OTUD7B: variants seen among roughly 807,000 people sequenced by gnomAD.
OTUD7B encodes the protein OTU domain-containing protein 7B.
In OTUD7B, 34 loss-of-function variants were observed where a neutral mutation model predicts 82.2. The observed-to-expected ratio is 0.41, with a 90% CI of 0.31 to 0.55. The LOEUF (loss-of-function observed/expected upper bound fraction) is 0.55, where lower values mean the gene tolerates loss of function less well. Ranked by LOEUF, OTUD7B falls within the 20% of genes least tolerant of loss-of-function variation. The pLI, the probability that OTUD7B is intolerant of heterozygous loss-of-function variation, is 0.20. For missense variants in OTUD7B, 944 were observed against 1,062.1 expected (o/e 0.89, Z 1.55); for synonymous variants, 398 against 402.7 (o/e 0.99, Z 0.14).
chr1:149,961,882 A>G (rs1043823414), intron 6 of OTUD7B: 4 of 152,234 alleles, frequency 2.6e-5, no homozygotes, highest in Non-Finnish European at 5.9e-5. Context: ...CATTGGCTTT[A>G]GGATGTATAT....
chr1:149,967,617 G>A (rs2101824295), intron 3 of OTUD7B, 96 bp from the exon 4 acceptor site: 1 of 922,766 alleles, frequency 1.1e-6, no homozygotes, highest in South Asian at 2.2e-5. Flanking sequence ...AGGGTTTACA[G>A]TCAGAGAAAA....
the OTUD7B span, chr1:150,054,983 G>T: frequency 6.3e-6 from 2 of 319,652 alleles, no homozygotes; most frequent in African/African-American, 2.3e-5. Context: ...GGCTACCTCT[G>T]ATCTGTGTTT....
chr1:149,950,721 T>C (rs1347575077), intron 7 of OTUD7B, among the ~76,000 whole-genome samples: 1 of 152,138 alleles, frequency 6.6e-6, no homozygotes, highest in Non-Finnish European at 1.5e-5. Context: ...GAAATATTTA[T>C]TGTGCTTTTA....
the OTUD7B span, among the ~76,000 whole-genome samples, chr1:150,021,394 A>G: frequency 6.6e-6 from 1 of 152,174 alleles, no homozygotes; most frequent in Admixed American, 6.5e-5. Flanking sequence ...TGAATGTAAA[A>G]CTATATTTGG....
intron 11 of OTUD7B, 83 bp from the exon 12 acceptor site, chr1:149,945,148 C>T: frequency 6.6e-7 from 1 of 1,513,326 alleles, no homozygotes; most frequent in African/African-American, 1.4e-5. Flanking sequence ...GCCCATCCAT[C>T]TGGCTCAGGG....
At chr1:149,968,262 C>A (rs377005959) in intron 3 of OTUD7B, among the ~76,000 whole-genome samples, 1,121 of 130,816 alleles carry the variant, frequency 8.6e-3, no homozygotes, top group Non-Finnish European at 9.8e-3. Context: ...GACCCCGTTT[C>A]AAAAAAAAAA....
chr1:149,963,500 T>C lies in OTUD7B; in HGVS notation c.732+722A>G, dbSNP rs375241296. ...AAGAAAGCAGTTACACGTGTAAACA[T>C]CCAAGAAATGCCCAGGGCTGTATTC... On this transcript the variant is annotated intron_variant, in intron 6 of 11. Transcript: ENST00000581312. 3 of 152,180 alleles carry C rather than the reference T, an allele frequency of 2.0e-5. No homozygotes were observed. In the East Asian group the frequency reaches 5.8e-4, roughly 29 times the overall value. The allele number at this position is 152,180 out of a possible 1,614,324, so 9.4% of individuals were successfully genotyped here.
chr1:150,045,943 A>G, the OTUD7B span, among the ~76,000 whole-genome samples: 2 of 152,248 alleles, frequency 1.3e-5, no homozygotes, highest in East Asian at 1.9e-4. Context: ...CATGATTACA[A>G]AAACATTTCT....
intron 3 of OTUD7B, among the ~76,000 whole-genome samples, chr1:149,969,059 C>T (rs782750509): frequency 6.6e-6 from 1 of 152,096 alleles, no homozygotes; most frequent in Admixed American, 6.5e-5. Context: ...CATGGTGGCT[C>T]ACACCTGTAA....
At chr1:150,020,313 A>C in the OTUD7B span, among the ~76,000 whole-genome samples, 5 of 152,144 alleles carry the variant, frequency 3.3e-5, no homozygotes, top group Non-Finnish European at 7.4e-5. Flanking sequence ...AGGTGGGTGG[A>C]TCATTTGAGG....
the OTUD7B span, chr1:150,067,456 C>T: frequency 7.7e-5 from 15 of 195,262 alleles, no homozygotes; most frequent in Non-Finnish European, 1.3e-4. Context: ...CGTAGCCACA[C>T]TCCGTCGTTC....
At chr1:150,017,046 GC>G in the OTUD7B span, among the ~76,000 whole-genome samples, 1 of 152,180 alleles carries the variant, frequency 6.6e-6, no homozygotes, top group Non-Finnish European at 1.5e-5. Context: ...TTTAGCAATT[GC>G]CTTGAATTGT....
Position 149,944,227 on chromosome 1 carries a change from A to G in OTUD7B, c.2162T>C (p.Val721Ala). ...PRRQLAGGPC[V>A]GGLPPYATFP... ...GGTGGCATATGGTGGTAGGCCCCCG[A>G]CACATGGACCCCCTGCCAACTGCCT... Residue 721 changes from valine (V) to alanine (A), a missense_variant, in exon 12 of 12, where the codon GTC becomes GCC. Val to Ala is a moderately conservative substitution (Grantham distance 64). This residue lies in a region of OTUD7B where 412 missense variants were observed against 418.7 expected (regional missense o/e 0.98). Coordinates refer to ENST00000581312, the MANE Select transcript of OTUD7B (RefSeq NM_020205.4). 6.2e-7 allele frequency: 1 copy of G among 1,612,982 alleles called. No homozygotes were observed. The highest frequency in any genetic ancestry group is 1.1e-5 in the South Asian group (1 of 91,012).
intron 1 of OTUD7B, among the ~76,000 whole-genome samples, chr1:149,978,748 C>G (rs1553779127): frequency 6.6e-6 from 1 of 152,170 alleles, no homozygotes; most frequent in African/African-American, 2.4e-5. Flanking sequence ...TGGCACCAAT[C>G]CAACATTCCT....
At chr1:149,990,269 G>A (rs1436419073) in intron 1 of OTUD7B, among the ~76,000 whole-genome samples, 3 of 152,208 alleles carry the variant, frequency 2.0e-5, no homozygotes, top group Non-Finnish European at 4.4e-5. Context: ...TCACCAGGAT[G>A]GAGGACAAGA....
chr1:150,047,601 T>C, the OTUD7B span: 2 of 152,212 alleles, frequency 1.3e-5, no homozygotes, highest in African/African-American at 4.8e-5. Context: ...TAGTAACCAG[T>C]GTCAAGAACT....
chr1:150,046,970 C>G, the OTUD7B span, among the ~76,000 whole-genome samples: 1 of 151,974 alleles, frequency 6.6e-6, no homozygotes, highest in Non-Finnish European at 1.5e-5. Context: ...ACTGGGGAGG[C>G]TAAGGCAGGA....
chr1:150,054,242 C>A, the OTUD7B span: 1 of 448,674 alleles, frequency 2.2e-6, no homozygotes, highest in Non-Finnish European at 4.3e-6. Context: ...GCTGTTGAGC[C>A]AAGGAAAAAA....
chr1:150,056,302 T>C, the OTUD7B span, among the ~76,000 whole-genome samples: 1 of 152,184 alleles, frequency 6.6e-6, no homozygotes. Flanking sequence ...TGATCTTTTT[T>C]AAGGAATAAA....
Sources: allele counts gnomAD v4.1 joint callset (sites outside exome capture counted in the v4.1 genomes callset), GRCh38; gene constraint gnomAD v4.1.1; regional missense constraint gnomAD v4.1.1; transcripts MANE v1.5; gene names NCBI Gene and HGNC (gene_info 2026-07-23, HGNC 2026-07-21).